The following GALNT13 variants were observed in gnomAD, a reference collection of about 807,000 sequenced individuals.
GALNT13 encodes the protein UDP-GalNAc:polypeptide N-acetylgalactosaminyltransferase 13.
Under a neutral mutation model 64.2 loss-of-function variants are expected in GALNT13, and 28 were observed. That is an observed-to-expected ratio of 0.44 (90% CI 0.32 to 0.60). The LOEUF (loss-of-function observed/expected upper bound fraction) is 0.60. Among genes scored for constraint, GALNT13 ranks in the 20% least tolerant of loss-of-function variants. The pLI, the probability that GALNT13 is intolerant of heterozygous loss-of-function variation, is 0.05. For synonymous variants in GALNT13, 214 were observed against 224.6 expected (o/e 0.95, Z 0.42); for missense variants, 577 against 669.8 (o/e 0.86, Z 1.53).
chr2:153,862,211 G>A, the GALNT13 span, among the ~76,000 whole-genome samples: 3 of 152,130 alleles, frequency 2.0e-5, no homozygotes, highest in East Asian at 3.9e-4. Context: ...TCACACACAC[G>A]TACACACATG....
chr2:154,385,418 A>T (rs1318408137), intron 9 of GALNT13, among the ~76,000 whole-genome samples: 1 of 151,970 alleles, frequency 6.6e-6, no homozygotes, highest in Non-Finnish European at 1.5e-5. Flanking sequence ...TTCCCTTTAT[A>T]GGTTTTTCAA....
chr2:153,725,016 T>C, the GALNT13 span, among the ~76,000 whole-genome samples: 9 of 151,450 alleles, frequency 5.9e-5, no homozygotes, highest in African/African-American at 1.2e-4. Flanking sequence ...CGTATGTTTA[T>C]TGCAGCATTA....
chr2:153,990,663 A>C (rs1456020821), intron 3 of GALNT13, among the ~76,000 whole-genome samples: 1 of 152,180 alleles, frequency 6.6e-6, no homozygotes. Context: ...AAAATAAAAC[A>C]AAAGAGTAGG....
the GALNT13 span, among the ~76,000 whole-genome samples, chr2:153,345,114 C>G: frequency 6.6e-6 from 1 of 152,166 alleles, no homozygotes; most frequent in South Asian, 2.1e-4. Flanking sequence ...TCTTCTTTAT[C>G]TCAAATGTGT....
At chr2:154,272,844 G>A (rs896670632) in intron 8 of GALNT13, among the ~76,000 whole-genome samples, 2 of 151,960 alleles carry the variant, frequency 1.3e-5, no homozygotes, top group African/African-American at 4.8e-5. Flanking sequence ...TACAAATTAG[G>A]GTTTCATTTT....
intron 3 of GALNT13, among the ~76,000 whole-genome samples, chr2:154,012,537 G>A (rs1000401318): frequency 1.3e-5 from 2 of 152,078 alleles, no homozygotes; most frequent in African/African-American, 4.8e-5. Context: ...TGATAAGTAT[G>A]TACCTTGGGG....
At chr2:154,014,230 G>T (rs1034372285) in intron 3 of GALNT13, among the ~76,000 whole-genome samples, 1 of 152,176 alleles carries the variant, frequency 6.6e-6, no homozygotes, top group Non-Finnish European at 1.5e-5. Flanking sequence ...CTATGCCCAG[G>T]TTGGAGTCCT....
At chr2:154,027,557 A>G (rs898624000) in intron 3 of GALNT13, among the ~76,000 whole-genome samples, 7 of 152,172 alleles carry the variant, frequency 4.6e-5, no homozygotes, top group Admixed American at 1.3e-4. Context: ...TGTTTGAATG[A>G]CATGTGAGAT....
chr2:153,787,088 G>C, the GALNT13 span, among the ~76,000 whole-genome samples: 1 of 152,116 alleles, frequency 6.6e-6, no homozygotes, highest in African/African-American at 2.4e-5. Flanking sequence ...CTGCCTCCAA[G>C]TTGGGGAGAA....
the GALNT13 span, among the ~76,000 whole-genome samples, chr2:153,167,303 C>A: frequency 6.6e-6 from 1 of 152,070 alleles, no homozygotes. Context: ...TTTCTTTGGC[C>A]CATTGAATCT....
At chr2:153,812,551 A>G in the GALNT13 span, among the ~76,000 whole-genome samples, 13,308 of 152,236 alleles carry the variant, frequency 0.087, 761 homozygotes, top group African/African-American at 0.16. Flanking sequence ...TAGAAATTTT[A>G]GTTTTTCTTT....
chr2:153,966,796 T>C (rs1454186147), intron 3 of GALNT13, among the ~76,000 whole-genome samples: 1 of 152,168 alleles, frequency 6.6e-6, no homozygotes, highest in Non-Finnish European at 1.5e-5. Flanking sequence ...TTTTCCAGGT[T>C]TAGGAAGGTT....
At chr2:153,403,703 C>T in the GALNT13 span, among the ~76,000 whole-genome samples, 48 of 152,250 alleles carry the variant, frequency 3.2e-4, no homozygotes, top group African/African-American at 8.4e-4. Flanking sequence ...AGGTGCTGTC[C>T]GTCACCCCTT....
intron 2 of GALNT13, among the ~76,000 whole-genome samples, chr2:153,910,717 A>T (rs1688880990): frequency 6.6e-6 from 1 of 151,932 alleles, no homozygotes; most frequent in African/African-American, 2.4e-5. Flanking sequence ...GAAGCAGGTT[A>T]ATTTCCATGT....
At chr2:153,871,395 G>C (rs114146561), upstream of GALNT13, among the ~76,000 whole-genome samples, 1,727 of 152,276 alleles carry the variant, frequency 0.011, 35 homozygotes, top group African/African-American at 0.038. Flanking sequence ...GCCAACCTCC[G>C]TCCTTTCTGC....
chr2:153,256,588 C>A, the GALNT13 span, among the ~76,000 whole-genome samples: 1 of 152,182 alleles, frequency 6.6e-6, no homozygotes, highest in Non-Finnish European at 1.5e-5. Flanking sequence ...TTTTCCCCAA[C>A]TTTGTGGTTT....
chr2:154,336,867 C>T (rs1470892968), intron 9 of GALNT13, among the ~76,000 whole-genome samples: 2 of 152,048 alleles, frequency 1.3e-5, no homozygotes, highest in African/African-American at 2.4e-5. Flanking sequence ...TGGTACACAA[C>T]TGGGTAAACC....
At chr2:153,145,133 A>G in the GALNT13 span, among the ~76,000 whole-genome samples, 1 of 151,910 alleles carries the variant, frequency 6.6e-6, no homozygotes, top group Non-Finnish European at 1.5e-5. Context: ...TTAAAATCCT[A>G]TCTATGAAAA....
chr2:153,277,913 G>GTTTTT, the GALNT13 span, among the ~76,000 whole-genome samples: 1 of 53,458 alleles, frequency 1.9e-5, no homozygotes, highest in African/African-American at 7.0e-5. Context: ...TTTTTCTTTT[G>GTTTTT]TTTTCTTTTC....
Sources: allele counts gnomAD v4.1 joint callset (sites outside exome capture counted in the v4.1 genomes callset), GRCh38; gene constraint gnomAD v4.1.1; transcripts MANE v1.5; gene names NCBI Gene and HGNC (gene_info 2026-07-23, HGNC 2026-07-21).